Variants in VOPP1 observed in about 807,000 individuals in gnomAD.
The protein encoded by VOPP1 is VOPP1 WW domain binding protein.
In VOPP1, 8 loss-of-function variants were observed where a neutral mutation model predicts 23.5. The observed-to-expected ratio is 0.34, with a 90% CI of 0.20 to 0.61. The LOEUF is 0.61. Among genes scored for constraint, VOPP1 ranks in the 20% least tolerant of loss-of-function variants. The pLI, the probability that VOPP1 is intolerant of heterozygous loss-of-function variation, is 0.78. For missense variants in VOPP1, 174 were observed against 238.1 expected, an observed-to-expected ratio of 0.73 and a Z score of 1.77; for synonymous variants, 83 against 97.3, an observed-to-expected ratio of 0.85 and a Z score of 0.86.
intron 1 of VOPP1, among the ~76,000 whole-genome samples, chr7:55,533,421 G>T (rs1039326842): frequency 3.9e-5 from 6 of 152,072 alleles, no homozygotes; most frequent in Non-Finnish European, 8.8e-5. Context: ...CTCTCATTTA[G>T]ATTTCCCTGT....
At chr7:55,515,515 T>C (rs1795345993) in intron 2 of VOPP1, among the ~76,000 whole-genome samples, 1 of 152,228 alleles carries the variant, frequency 6.6e-6, no homozygotes, top group African/African-American at 2.4e-5. Context: ...TTAGGGAGAA[T>C]ACAGGCATCC....
chr7:55,491,509 A>T lies in VOPP1; in HGVS notation c.328+773T>A, dbSNP rs1793566135. On this transcript the variant is annotated intron_variant, in intron 4 of 4. Coordinates refer to ENST00000285279, the MANE Select transcript of VOPP1 (RefSeq NM_030796.5). Reference sequence around the variant, plus strand: ...ACCCCTCTGCCCAGCCTCACTCTACACCTGGCCAGAAGACCAGCGCTCTGA... The same window carrying T: ...ACCCCTCTGCCCAGCCTCACTCTACTCCTGGCCAGAAGACCAGCGCTCTGA... Among the ~76,000 whole-genome samples the T allele has an allele frequency of 2.0e-5, 3 of 152,154 alleles. No individual in the cohort carries two copies. The South Asian group carries it at 6.2e-4, about 32-fold the overall frequency.
intron 1 of VOPP1, among the ~76,000 whole-genome samples, chr7:55,544,218 G>A (rs776432728): frequency 1.3e-5 from 2 of 152,200 alleles, no homozygotes; most frequent in African/African-American, 2.4e-5. Context: ...AAAATCAACT[G>A]GCTGTAAATG....
chr7:55,474,253 C>T (rs1583839963), intron 4 of VOPP1, among the ~76,000 whole-genome samples: 3 of 152,362 alleles, frequency 2.0e-5, no homozygotes, highest in South Asian at 2.1e-4. Flanking sequence ...ATCTCACCCG[C>T]TGCCTTGGGT....
At chr7:55,563,323 C>T (rs760823011) in intron 1 of VOPP1, among the ~76,000 whole-genome samples, 29 of 151,896 alleles carry the variant, frequency 1.9e-4, no homozygotes, top group Admixed American at 1.3e-4. Context: ...AGATTATTTG[C>T]GTTTTTTAAA....
rs140962494 is a variant in VOPP1, at chr7:55,555,928, A to T, written c.54+16343T>A. Among the ~76,000 whole-genome samples the T allele has an allele frequency of 2.9e-3, 448 of 152,340 alleles. 2 individuals carry two copies. Among genetic ancestry groups the T allele is most frequent in the South Asian group, 0.015 (72 of 4,828 alleles). On this transcript the variant is annotated intron_variant, in intron 1 of 4. Transcript: ENST00000285279. ...ATATAAACGAATGAATAACCCCAATAGCCATCAGCAAAACTCACTTGTTTT... is the reference window on the plus strand; with the variant it reads ...ATATAAACGAATGAATAACCCCAATTGCCATCAGCAAAACTCACTTGTTTT...
At chr7:55,537,195 A>G (rs147006785) in intron 1 of VOPP1, among the ~76,000 whole-genome samples, 3,389 of 152,176 alleles carry the variant, frequency 0.022, 64 homozygotes, top group Non-Finnish European at 0.028. Context: ...CCCTGTCCCA[A>G]CCAGGCCTGC....
At position 55,472,964 on chromosome 7, in the gene VOPP1, G is replaced by A; in HGVS notation, c.410C>T (p.Ala137Val). The part of the protein sequence containing the change: ...MNPVGNSMAM[A>V]FQVPPNSPQG... ...GGGTGAGTTGGGTGGGACCTGGAAA[G>A]CCATTGCCATGGAATTCCCGACAGG... Residue 137 changes from alanine to valine, a missense_variant, in exon 5 of 5, where the codon GCT (alanine) becomes GTT (valine). Physicochemically the swap from Ala to Val is moderately conservative, Grantham distance 64. Transcript: ENST00000285279. 6.3e-7 allele frequency: 1 copy of A among 1,591,202 alleles called. No individual in the cohort carries two copies. The highest frequency in any genetic ancestry group is 8.5e-7 in the Non-Finnish European group (1 of 1,171,510).
chr7:55,462,127 G>A (rs1473080882), intron 4 of VOPP1, among the ~76,000 whole-genome samples: 3 of 152,136 alleles, frequency 2.0e-5, no homozygotes, highest in East Asian at 3.8e-4. Context: ...TTGCGTGACA[G>A]TTTTCTTTTT....
chr7:55,527,283 A>C (rs1796244197), intron 1 of VOPP1, among the ~76,000 whole-genome samples: 1 of 152,204 alleles, frequency 6.6e-6, no homozygotes, highest in African/African-American at 2.4e-5. Flanking sequence ...TCTTATCTCC[A>C]AGAAACCTTG....
chr7:55,571,363 A>C (rs1798347795), intron 1 of VOPP1, among the ~76,000 whole-genome samples: 1 of 152,270 alleles, frequency 6.6e-6, no homozygotes, highest in African/African-American at 2.4e-5. Context: ...AGATAGTTTC[A>C]CAACTTCCTA....
At chr7:55,528,073 T>C (rs988648964) in intron 1 of VOPP1, among the ~76,000 whole-genome samples, 4 of 152,164 alleles carry the variant, frequency 2.6e-5, no homozygotes, top group African/African-American at 9.7e-5. Context: ...AAATGTTATT[T>C]AAAAAACTAG....
At chr7:55,561,822 T>C (rs1797999773) in intron 1 of VOPP1, 1 of 606,432 alleles carries the variant, frequency 1.6e-6, no homozygotes, top group Non-Finnish European at 3.0e-6. Flanking sequence ...GCCTAGGGAG[T>C]AGCTTGCCCA....
At chr7:55,552,555 G>T in intron 1 of VOPP1, 1 of 1,522,536 alleles carries the variant, frequency 6.6e-7, no homozygotes, top group Non-Finnish European at 8.8e-7. Flanking sequence ...ATTTTCCCAG[G>T]GTGACAAATG....
intron 4 of VOPP1, among the ~76,000 whole-genome samples, chr7:55,452,695 T>G (rs1583801787): frequency 2.0e-5 from 3 of 152,184 alleles, no homozygotes; most frequent in South Asian, 2.1e-4. Flanking sequence ...CTTGGGTGAT[T>G]AGGTCTTTTG....
intron 3 of VOPP1, among the ~76,000 whole-genome samples, chr7:55,495,988 T>G (rs575508768): frequency 3.3e-5 from 5 of 152,330 alleles, no homozygotes; most frequent in Non-Finnish European, 5.9e-5. Flanking sequence ...CTCGCCAAGG[T>G]GTCCTGCCTC....
At chr7:55,465,034 A>G (rs1012776278) in intron 4 of VOPP1, among the ~76,000 whole-genome samples, 20 of 152,260 alleles carry the variant, frequency 1.3e-4, no homozygotes, top group African/African-American at 4.8e-4. Context: ...AGCTGATTGC[A>G]GCTGGACCAG....
intron 1 of VOPP1, among the ~76,000 whole-genome samples, chr7:55,554,669 A>T (rs572026732): frequency 6.6e-6 from 1 of 152,156 alleles, no homozygotes; most frequent in Non-Finnish European, 1.5e-5. Context: ...CAATGGGCGG[A>T]GCTTTGGGGA....
At chr7:55,468,726 G>A (rs1320806478), downstream of VOPP1, among the ~76,000 whole-genome samples, 4 of 152,242 alleles carry the variant, frequency 2.6e-5, no homozygotes, top group African/African-American at 7.2e-5. Context: ...AGGAGTGGCT[G>A]TCAATGACAC....
Sources: allele counts gnomAD v4.1 joint callset (sites outside exome capture counted in the v4.1 genomes callset), GRCh38; gene constraint gnomAD v4.1.1; transcripts MANE v1.5; gene names NCBI Gene and HGNC (gene_info 2026-07-23, HGNC 2026-07-21).